The following C1orf21 variants were observed in gnomAD, a reference collection of about 807,000 sequenced individuals.
The protein encoded by C1orf21 is chromosome 1 open reading frame 21.
A neutral mutation model predicts 18.7 loss-of-function variants in C1orf21; 3 were observed. That is an observed-to-expected ratio of 0.16 (90% CI 0.07 to 0.42). The LOEUF is 0.42. Ranked by LOEUF, C1orf21 falls within the 10% of genes least tolerant of loss-of-function variation. The pLI, the probability that C1orf21 is intolerant of heterozygous loss-of-function variation, is 0.99. For missense variants in C1orf21, 104 were observed against 143.6 expected (o/e 0.72, Z 1.41); for synonymous variants, 41 against 46.4 (o/e 0.88, Z 0.47).
chr1:184,532,926 G>A (rs1053490979), intron 3 of C1orf21, among the ~76,000 whole-genome samples: 9 of 152,172 alleles, frequency 5.9e-5, no homozygotes, highest in African/African-American at 1.9e-4. Flanking sequence ...TATTGAAGAG[G>A]TGGTGCAACA....
chr1:184,573,917 G>A (rs747271754), intron 3 of C1orf21, among the ~76,000 whole-genome samples: 2 of 152,124 alleles, frequency 1.3e-5, no homozygotes, highest in Non-Finnish European at 2.9e-5. Context: ...AAGATAGGCC[G>A]AGCACCATGG....
chr1:184,615,874 G>A (rs1659813904), intron 5 of C1orf21, among the ~76,000 whole-genome samples: 1 of 152,176 alleles, frequency 6.6e-6, no homozygotes, highest in Non-Finnish European at 1.5e-5. Context: ...CATACAGTGT[G>A]TAATGGTCAA....
At chr1:184,395,372 G>A (rs929483881) in intron 1 of C1orf21, among the ~76,000 whole-genome samples, 1 of 152,076 alleles carries the variant, frequency 6.6e-6, no homozygotes, top group African/African-American at 2.4e-5. Flanking sequence ...TAATGAGGAA[G>A]TATAGTCTGG....
chr1:184,506,936 A>G (rs1166534683), intron 2 of C1orf21, among the ~76,000 whole-genome samples: 1 of 151,972 alleles, frequency 6.6e-6, no homozygotes. Context: ...CTCTTCATGC[A>G]TATGACTTTA....
chr1:184,552,942 A>AC (rs1230803394), intron 3 of C1orf21, among the ~76,000 whole-genome samples: 1 of 152,210 alleles, frequency 6.6e-6, no homozygotes, highest in Non-Finnish European at 1.5e-5. Flanking sequence ...TAGAGAAGAG[A>AC]CATGTCTGCT....
chr1:184,387,831 A>T lies in C1orf21; in HGVS notation c.-125+463A>T, dbSNP rs1466841815. Among the ~76,000 whole-genome samples the T allele has an allele frequency of 6.6e-6, 1 of 152,236 alleles. No individual in the cohort carries two copies. Among genetic ancestry groups the T allele is most frequent in the Non-Finnish European group, 1.5e-5 (1 of 68,044 alleles). ...CACAATTTAGGATCCTTTGCTAAGTATCCAAGTCCCTTCTCTCGCTCCGAC... is the reference window on the plus strand; with the variant it reads ...CACAATTTAGGATCCTTTGCTAAGTTTCCAAGTCCCTTCTCTCGCTCCGAC... On this transcript the variant is annotated intron_variant, in intron 1 of 5. Coordinates refer to ENST00000235307, the MANE Select transcript of C1orf21 (RefSeq NM_030806.4). This position sits in a 1 kb window ranked among gnomAD's most constrained non-coding sequence, Gnocchi z 5.6.
chr1:184,626,770 A>G lies in C1orf21; in HGVS notation c.*7214A>G, dbSNP rs1029712097. On this transcript the variant is annotated 3_prime_UTR_variant, in exon 6 of 6. Coordinates refer to ENST00000235307, the MANE Select transcript of C1orf21 (RefSeq NM_030806.4). ...TGCCAAAAGCTATTTGAATTCAAGG[A>G]CTTTAACCTGGGCCGGATCTGGTTT... 1.3e-5 allele frequency: 2 copies of G among 152,348 alleles called. No individual in the cohort carries two copies. The highest frequency in any genetic ancestry group is 2.9e-5 in the Non-Finnish European group (2 of 68,152). The allele number at this position is 152,348 out of a possible 1,614,324, so 9.4% of individuals were successfully genotyped here. A position where few individuals can be genotyped will look rare whatever the true frequency, so the allele number is the denominator to read the frequency against.
chr1:184,492,690 G>A (rs1657833427), intron 2 of C1orf21, among the ~76,000 whole-genome samples: 2 of 152,190 alleles, frequency 1.3e-5, no homozygotes, highest in Non-Finnish European at 2.9e-5. Flanking sequence ...TGGCTGGCTG[G>A]TTTGTAAATT....
chr1:184,503,681 G>A (rs1658010193), intron 2 of C1orf21, among the ~76,000 whole-genome samples: 1 of 152,076 alleles, frequency 6.6e-6, no homozygotes, highest in African/African-American at 2.4e-5. Context: ...CAACAAACTT[G>A]TGTTCAACCC....
At chr1:184,493,882 T>C (rs1657852209) in intron 2 of C1orf21, among the ~76,000 whole-genome samples, 1 of 152,170 alleles carries the variant, frequency 6.6e-6, no homozygotes, top group South Asian at 2.1e-4. Context: ...TGAAAGACAA[T>C]GTGCTTTTAA....
At chr1:184,591,937 A>G (rs1473651108) in intron 4 of C1orf21, among the ~76,000 whole-genome samples, 1 of 152,234 alleles carries the variant, frequency 6.6e-6, no homozygotes, top group Non-Finnish European at 1.5e-5. Context: ...CATAAGGATG[A>G]GGCAGTAGAG....
rs1249554668 is a variant in C1orf21, at chr1:184,532,042, G to GT, written c.189+24371dup. ...GAACTTTTCAGACAATTTCATGTAG[G>GT]TTTTTTTTTTTAATTTAGGGAGAGG... On this transcript the variant is annotated intron_variant, in intron 3 of 5. Coordinates refer to ENST00000235307, the MANE Select transcript of C1orf21 (RefSeq NM_030806.4). Among the ~76,000 whole-genome samples the GT allele has an allele frequency of 2.6e-3, 388 of 146,860 alleles. 2 individuals carry two copies. Among genetic ancestry groups the GT allele is most frequent in the East Asian group, 0.014 (70 of 5,044 alleles).
chr1:184,512,913 TCA>T (rs1658172406), intron 3 of C1orf21, among the ~76,000 whole-genome samples: 1 of 152,184 alleles, frequency 6.6e-6, no homozygotes, highest in Admixed American at 6.5e-5. Flanking sequence ...TCCTCATCGC[TCA>T]CATTACCACC....
At chr1:184,575,611 TAAAAA>T (rs59167087) in intron 3 of C1orf21, among the ~76,000 whole-genome samples, 1 of 83,506 alleles carries the variant, frequency 1.2e-5, no homozygotes, top group Non-Finnish European at 2.6e-5. Context: ...CACAAAAAGG[TAAAAA>T]AAAAAAAAAA....
At chr1:184,464,035 A>G (rs1340299754) in intron 1 of C1orf21, among the ~76,000 whole-genome samples, 1 of 152,232 alleles carries the variant, frequency 6.6e-6, no homozygotes, top group East Asian at 1.9e-4. Flanking sequence ...ACATAGTGGG[A>G]TTAGTAGCTA....
chr1:184,489,060 C>T (rs1203362900), intron 2 of C1orf21, among the ~76,000 whole-genome samples: 2 of 152,120 alleles, frequency 1.3e-5, no homozygotes, highest in Non-Finnish European at 2.9e-5. Flanking sequence ...TCTCTTAATG[C>T]TACAAAACCC....
intron 3 of C1orf21, among the ~76,000 whole-genome samples, chr1:184,521,493 A>G (rs987506201): frequency 2.0e-5 from 3 of 152,218 alleles, no homozygotes; most frequent in Non-Finnish European, 4.4e-5. Flanking sequence ...GGATAAGTGC[A>G]TATTGCTAAG....
chr1:184,471,002 T>G (rs959255592), intron 1 of C1orf21, among the ~76,000 whole-genome samples: 1 of 152,122 alleles, frequency 6.6e-6, no homozygotes, highest in Admixed American at 6.6e-5. Flanking sequence ...CAGCTGTGAA[T>G]GTGTGACTTT....
At chr1:184,470,207 C>G (rs1657473941) in intron 1 of C1orf21, among the ~76,000 whole-genome samples, 2 of 152,078 alleles carry the variant, frequency 1.3e-5, no homozygotes, top group African/African-American at 4.8e-5. Context: ...TATGAGGGCC[C>G]TCTGGGCAAG....
Sources: gnomAD v4.1 joint callset for allele counts (sites outside exome capture counted in the v4.1 genomes callset) on GRCh38, gnomAD v4.1.1 for gene constraint, Gnocchi (gnomAD v3.1) non-coding constraint, MANE v1.5 for transcripts, NCBI Gene and HGNC (gene_info 2026-07-23, HGNC 2026-07-21) for gene names.